Variants in CCDC3 observed in about 807,000 individuals in gnomAD.
CCDC3 encodes the protein coiled-coil domain-containing protein 3.
CCDC3 carries 24 observed loss-of-function variants against 21.4 expected under a neutral mutation model. The ratio of observed to expected loss-of-function variants is 1.12; its 90% CI spans 0.81 to 1.58. The LOEUF is 1.58. CCDC3 is among the 40% of genes most tolerant of loss of function. CCDC3 has a pLI of 0.00. For missense variants in CCDC3, 425 were observed against 360.9 expected (o/e 1.18, Z -1.44); for synonymous variants, 186 against 166.0 (o/e 1.12, Z -0.93).
chr10:13,077,299 CAAGGGACGTG>C (rs1486521081), intron 3 of CCDC3, among the ~76,000 whole-genome samples: 6 of 152,130 alleles, frequency 3.9e-5, no homozygotes, highest in Non-Finnish European at 8.8e-5. Flanking sequence ...ATCCAACTTA[CAAGGGACGTG>C]AAGGACCTCT....
rs1237089074 is a variant in CCDC3 at position 12,897,277 on chromosome 10, G to A, written c.*1139C>T. ...CAAATGTGCCTGAGCAATAAGTCTA[G>A]TGAATACTCTCATTTTTACTTATAG... On this transcript the variant is annotated 3_prime_UTR_variant, in exon 3 of 3. Coordinates refer to ENST00000378825, the MANE Select transcript of CCDC3 (RefSeq NM_031455.4). 1 of 152,244 alleles carries A rather than the reference G, an allele frequency of 6.6e-6. No individual in the cohort carries two copies. Among genetic ancestry groups the A allele is most frequent in the African/African-American group, 2.4e-5 (1 of 41,458 alleles). 9.4% of individuals were successfully genotyped at this position (152,244 alleles called of 1,614,324 possible). A position where few individuals can be genotyped will look rare whatever the true frequency, so the allele number is the denominator to read the frequency against.
chr10:12,964,694 G>A (rs1285153441), intron 2 of CCDC3, among the ~76,000 whole-genome samples: 2 of 152,124 alleles, frequency 1.3e-5, no homozygotes, highest in East Asian at 1.9e-4. Flanking sequence ...TCTCTTACTT[G>A]TAGCCAAAGG....
At chr10:13,003,533 G>C (rs545324369), upstream of CCDC3, among the ~76,000 whole-genome samples, 115 of 152,292 alleles carry the variant, frequency 7.6e-4, no homozygotes, top group Non-Finnish European at 1.5e-3. Context: ...CAAATTAAGA[G>C]AAAACCTTAG....
intron 5 of CCDC3, among the ~76,000 whole-genome samples, chr10:13,009,763 T>C (rs1372411957): frequency 6.6e-6 from 1 of 152,100 alleles, no homozygotes; most frequent in African/African-American, 2.4e-5. Context: ...AAAAATTAAC[T>C]CGAAATATAA....
At chr10:13,003,157 T>C (rs929501118), upstream of CCDC3, among the ~76,000 whole-genome samples, 1 of 152,162 alleles carries the variant, frequency 6.6e-6, no homozygotes, top group Non-Finnish European at 1.5e-5. Context: ...GGATCCCAAA[T>C]GGTTTATATT....
At chr10:12,954,332 C>A (rs980949121) in intron 2 of CCDC3, among the ~76,000 whole-genome samples, 2 of 152,196 alleles carry the variant, frequency 1.3e-5, no homozygotes, top group African/African-American at 4.8e-5. Context: ...AAAAGACATT[C>A]AACTCAAATA....
chr10:13,075,386 T>C (rs1165108518), intron 3 of CCDC3, among the ~76,000 whole-genome samples: 1 of 152,206 alleles, frequency 6.6e-6, no homozygotes, highest in Non-Finnish European at 1.5e-5. Flanking sequence ...GTGATTGATA[T>C]CTGAGTCGGG....
chr10:13,077,078 T>A (rs534804813), intron 3 of CCDC3, among the ~76,000 whole-genome samples: 1 of 152,180 alleles, frequency 6.6e-6, no homozygotes. Flanking sequence ...TTGTCCCTAT[T>A]TGCACATGAC....
chr10:13,084,030 T>A (rs926855227), intron 3 of CCDC3, among the ~76,000 whole-genome samples: 1 of 152,208 alleles, frequency 6.6e-6, no homozygotes. Flanking sequence ...CATCCTGATA[T>A]CCCAATATCT....
rs185883060 is a variant in CCDC3 at position 12,972,763 on chromosome 10, G to A, written c.549+25575C>T. ...ACCCGGGAGGCAGAGGTTGCAGTGAGCCGAGATCACACCACCGCACTCCAG... is the reference window on the plus strand; with the variant it reads ...ACCCGGGAGGCAGAGGTTGCAGTGAACCGAGATCACACCACCGCACTCCAG... On this transcript the variant is annotated intron_variant, in intron 2 of 2. Coordinates refer to ENST00000378825, the MANE Select transcript of CCDC3 (RefSeq NM_031455.4). Among the ~76,000 whole-genome samples the A allele has an allele frequency of 1.3e-4, 20 of 151,324 alleles. No individual in the cohort carries two copies. The East Asian group carries it at 3.5e-3, about 27-fold the overall frequency.
chr10:12,977,159 C>T (rs1359419182), intron 2 of CCDC3, among the ~76,000 whole-genome samples: 2 of 152,260 alleles, frequency 1.3e-5, no homozygotes, highest in Middle Eastern at 3.4e-3. Flanking sequence ...CCTGTAACCC[C>T]AGCTACTCGA....
At chr10:13,068,870 G>A (rs370277487) in intron 4 of CCDC3, among the ~76,000 whole-genome samples, 22 of 152,346 alleles carry the variant, frequency 1.4e-4, no homozygotes, top group African/African-American at 4.3e-4. Context: ...ATAAGAAGGC[G>A]TAGAAATGTA....
chr10:12,985,556 A>T (rs1367593461), intron 2 of CCDC3, among the ~76,000 whole-genome samples: 1 of 152,008 alleles, frequency 6.6e-6, no homozygotes, highest in East Asian at 1.9e-4. Context: ...CTCGTTAAGC[A>T]ATCAGCGGTG....
chr10:12,942,669 C>T (rs186512145), intron 2 of CCDC3, among the ~76,000 whole-genome samples: 1 of 152,328 alleles, frequency 6.6e-6, no homozygotes, highest in East Asian at 1.9e-4. Context: ...GGGTGGCCAG[C>T]TTCTTCACCT....
At chr10:12,940,377 T>C (rs1834809379) in intron 2 of CCDC3, among the ~76,000 whole-genome samples, 1 of 151,976 alleles carries the variant, frequency 6.6e-6, no homozygotes, top group East Asian at 1.9e-4. Context: ...AATGAAAAGA[T>C]CAGCAAGAAC....
At chr10:13,033,611 C>T (rs1256272994) in intron 5 of CCDC3, among the ~76,000 whole-genome samples, 2 of 152,298 alleles carry the variant, frequency 1.3e-5, no homozygotes, top group East Asian at 1.9e-4. Flanking sequence ...GGCCTAATAT[C>T]CAGAATCTAC....
chr10:12,953,582 C>T lies in CCDC3; in HGVS notation c.549+44756G>A, dbSNP rs79419944. 3.6e-3 allele frequency among the ~76,000 whole-genome samples: 544 copies of T among 152,360 alleles called. 3 individuals carry two copies. Among genetic ancestry groups the T allele is most frequent in the Middle Eastern group, 0.017 (5 of 294 alleles). Reference sequence around the variant, plus strand: ...GTTATTAGCCTACTGCTCAGACACACACTGTTTAAACATGGGCAGAGTTTT... The same window carrying T: ...GTTATTAGCCTACTGCTCAGACACATACTGTTTAAACATGGGCAGAGTTTT... On this transcript the variant is annotated intron_variant, in intron 2 of 2. Transcript: ENST00000378825.
At chr10:12,932,151 C>A (rs1340308844) in intron 2 of CCDC3, among the ~76,000 whole-genome samples, 1 of 151,860 alleles carries the variant, frequency 6.6e-6, no homozygotes, top group Admixed American at 6.6e-5. Flanking sequence ...TTAGATTATT[C>A]TTAAATATTT....
intron 3 of CCDC3, chr10:13,098,522 T>TA (rs1041712489): frequency 2.0e-5 from 3 of 151,866 alleles, no homozygotes; most frequent in African/African-American, 7.3e-5. Flanking sequence ...AAGTACGACT[T>TA]ACCGCAGGCA....
Sources: allele counts gnomAD v4.1 joint callset (sites outside exome capture counted in the v4.1 genomes callset), GRCh38; gene constraint gnomAD v4.1.1; transcripts MANE v1.5; gene names NCBI Gene and HGNC (gene_info 2026-07-23, HGNC 2026-07-21).